Variants in CD109 observed in about 807,000 individuals in gnomAD.
CD109 encodes CD109 antigen.
In CD109, 149 loss-of-function variants were observed where a neutral mutation model predicts 165.8. The observed-to-expected ratio is 0.90, with a 90% CI of 0.79 to 1.03. The LOEUF (loss-of-function observed/expected upper bound fraction) is 1.03, where lower values mean the gene tolerates loss of function less well. Among genes scored for constraint, CD109 ranks in the 50% least tolerant of loss-of-function variants. The pLI is 0.00. For missense variants in CD109, 1,712 were observed against 1,677.8 expected (o/e 1.02, Z -0.36); for synonymous variants, 585 against 592.1 (o/e 0.99, Z 0.18).
chr6:73,722,706 A>C (rs1772004663), intron 2 of CD109, among the ~76,000 whole-genome samples: 1 of 152,194 alleles, frequency 6.6e-6, no homozygotes, highest in Non-Finnish European at 1.5e-5. Context: ...TTTCCCCTTG[A>C]AATAAATGGA....
chr6:73,764,231 T>C (rs192296085), intron 10 of CD109, among the ~76,000 whole-genome samples: 1 of 152,218 alleles, frequency 6.6e-6, no homozygotes, highest in Non-Finnish European at 1.5e-5. Context: ...AAATATATAC[T>C]TAACTATAAC....
Position 73,697,413 on chromosome 6 carries a change from G to GT in CD109, c.89dup (p.Thr31AspfsTer51). 1 of 1,613,946 alleles carries GT rather than the reference G, an allele frequency of 6.2e-7. No homozygotes were observed. Among genetic ancestry groups the GT allele is most frequent in the Non-Finnish European group, 8.5e-7 (1 of 1,179,980 alleles). On this transcript the variant is annotated frameshift_variant, in exon 2 of 33. Coordinates refer to ENST00000287097, the MANE Select transcript of CD109 (RefSeq NM_133493.5). LOFTEE classifies it high-confidence loss of function. ...GGAACTCTTTAGGCCTCGGTTTCTG[G>GT]TGACAGCCCCAGGGATCATCAGGCC...
chr6:73,783,861 G>T, intron 19 of CD109, 37 bp downstream of exon 19: 3 of 1,175,216 alleles, frequency 2.6e-6, no homozygotes, highest in South Asian at 1.3e-5. Flanking sequence ...GTATTACGGT[G>T]ACATTAAGCT....
At chr6:73,783,857 C>G (rs370475679) in intron 19 of CD109, 33 bp downstream of exon 19, 1 of 1,226,016 alleles carries the variant, frequency 8.2e-7, no homozygotes, top group African/African-American at 1.5e-5. Context: ...ATCAGTATTA[C>G]GGTGACATTA....
chr6:73,706,177 T>G (rs1440861282), intron 2 of CD109, among the ~76,000 whole-genome samples: 2 of 152,212 alleles, frequency 1.3e-5, no homozygotes, highest in Non-Finnish European at 2.9e-5. Context: ...TTAGGAAAAC[T>G]TATTTACCGA....
chr6:73,793,331 G>A (rs1455493269), intron 23 of CD109, among the ~76,000 whole-genome samples: 1 of 152,216 alleles, frequency 6.6e-6, no homozygotes, highest in African/African-American at 2.4e-5. Flanking sequence ...TGTCATGCTA[G>A]TGAAGACTGT....
chr6:73,782,098 C>T (rs1404088716), intron 17 of CD109, among the ~76,000 whole-genome samples: 1 of 152,094 alleles, frequency 6.6e-6, no homozygotes, highest in African/African-American at 2.4e-5. Flanking sequence ...CCCTGAATTC[C>T]CTGTTTCTGT....
At chr6:73,686,266 A>G in the CD109 span, among the ~76,000 whole-genome samples, 1 of 152,148 alleles carries the variant, frequency 6.6e-6, no homozygotes, top group Non-Finnish European at 1.5e-5. Flanking sequence ...CTCTGAGGGG[A>G]TGAGCCCTGG....
rs773819528 is a variant in CD109 at position 73,808,237 on chromosome 6, C to G, written c.3344C>G (p.Ala1115Gly). Residue 1115 changes from alanine (A) to glycine (G), a missense_variant, in exon 26 of 33, where the codon GCA becomes GGA. By Grantham distance (60) the Ala-to-Gly change is moderately conservative (BLOSUM62 0). Coordinates refer to ENST00000287097, the MANE Select transcript of CD109 (RefSeq NM_133493.5). ...GCTTTGAATATGCTGACTTGGAGAG[C>G]AGAACAAGAAGGTAATGTGCTGGGC... is the stretch of plus-strand genomic sequence containing the variant. ...KEALNMLTWR[A>G]EQEGGMQFWV... is the part of the protein sequence containing the mutation. 3.1e-6 allele frequency: 5 copies of G among 1,612,334 alleles called. No individual in the cohort carries two copies. Among genetic ancestry groups the G allele is most frequent in the Non-Finnish European group, 4.2e-6 (5 of 1,179,268 alleles).
intron 2 of CD109, among the ~76,000 whole-genome samples, chr6:73,713,421 T>C (rs551211471): frequency 3.9e-5 from 6 of 152,190 alleles, no homozygotes; most frequent in South Asian, 4.2e-4. Context: ...TTTGTATTTT[T>C]ATTTTTTTTT....
At chr6:73,732,150 T>C (rs759240394) in intron 4 of CD109, among the ~76,000 whole-genome samples, 20 of 152,208 alleles carry the variant, frequency 1.3e-4, no homozygotes, top group Non-Finnish European at 2.8e-4. Flanking sequence ...CTGAAAAGTC[T>C]CTGGTCCTGG....
In CD109 at chr6:73,697,531, T is replaced by A. The variant is rs1411573394; in HGVS notation, c.206T>A (p.Leu69His). Residue 69 changes from leucine (L) to histidine (H), a missense_variant, in exon 2 of 33, where the codon CTC becomes CAC. By Grantham distance (99) the Leu-to-His change is moderately conservative (BLOSUM62 -3). Coordinates refer to ENST00000287097, the MANE Select transcript of CD109 (RefSeq NM_133493.5). ...GAGCTGCTCAAGACAGCATCAAACC[T>A]CACTGTCTCTGTCCTGGAAGCAGAA... ...KAELLKTASN[L>H]TVSVLEAEGV... 1 of 1,613,952 alleles carries A rather than the reference T, an allele frequency of 6.2e-7. No individual in the cohort carries two copies. Among genetic ancestry groups the A allele is most frequent in the Non-Finnish European group, 8.5e-7 (1 of 1,179,980 alleles).
intron 32 of CD109, among the ~76,000 whole-genome samples, chr6:73,821,246 A>T (rs1367027916): frequency 6.6e-6 from 1 of 152,186 alleles, no homozygotes; most frequent in Non-Finnish European, 1.5e-5. Context: ...AACATGGCAC[A>T]TGTATACATA....
chr6:73,707,086 G>T (rs576807859), intron 2 of CD109, among the ~76,000 whole-genome samples: 2 of 152,212 alleles, frequency 1.3e-5, no homozygotes, highest in African/African-American at 4.8e-5. Flanking sequence ...GGCTTCATTT[G>T]ATGTGTCCTC....
chr6:73,791,132 C>CATATATAT (rs1163631661), intron 22 of CD109, among the ~76,000 whole-genome samples: 4 of 46,802 alleles, frequency 8.5e-5, no homozygotes, highest in South Asian at 8.2e-4. Flanking sequence ...TATATACATA[C>CATATATAT]ATACATATAT....
intron 13 of CD109, among the ~76,000 whole-genome samples, chr6:73,767,634 A>G (rs1416294216): frequency 2.0e-5 from 3 of 152,224 alleles, no homozygotes; most frequent in Admixed American, 6.5e-5. Flanking sequence ...TTTAAAATAG[A>G]TAACTAAACC....
chr6:73,726,337 T>A (rs1341149681), intron 3 of CD109, among the ~76,000 whole-genome samples: 1 of 152,220 alleles, frequency 6.6e-6, no homozygotes, highest in Non-Finnish European at 1.5e-5. Context: ...ATATAAATAT[T>A]GTTTTGTACA....
intron 5 of CD109, among the ~76,000 whole-genome samples, chr6:73,750,188 G>A (rs1411572343): frequency 2.0e-5 from 3 of 152,092 alleles, no homozygotes; most frequent in Non-Finnish European, 4.4e-5. Context: ...AGGAGCAAAA[G>A]GTACCTGGGA....
chr6:73,762,273 T>C, intron 7 of CD109, 111 bp from the exon 8 acceptor site: 1 of 761,764 alleles, frequency 1.3e-6, no homozygotes, highest in Non-Finnish European at 2.2e-6. Context: ...ATGTAATTTT[T>C]TAAAATGTTA....
Sources: allele counts gnomAD v4.1 joint callset (sites outside exome capture counted in the v4.1 genomes callset), GRCh38; gene constraint gnomAD v4.1.1; transcripts MANE v1.5; gene names NCBI Gene and HGNC (gene_info 2026-07-23, HGNC 2026-07-21).